The following COBL variants were observed in gnomAD, a reference collection of about 807,000 sequenced individuals.
COBL encodes protein cordon-bleu.
In COBL, 51 loss-of-function variants were observed where a neutral mutation model predicts 98.8. The ratio of observed to expected loss-of-function variants is 0.52; its 90% CI spans 0.41 to 0.65. COBL has a LOEUF of 0.65. Ranked by LOEUF, COBL falls within the 30% of genes least tolerant of loss-of-function variation. The pLI, the probability that COBL is intolerant of heterozygous loss-of-function variation, is 0.00. For missense variants in COBL, 1,617 were observed against 1,617.5 expected, an observed-to-expected ratio of 1.00 and a Z score of 0.01; for synonymous variants, 634 against 651.7, an observed-to-expected ratio of 0.97 and a Z score of 0.41.
intron 11 of COBL, among the ~76,000 whole-genome samples, chr7:51,025,778 A>T (rs371418468): frequency 6.6e-6 from 1 of 152,206 alleles, no homozygotes; most frequent in Admixed American, 6.5e-5. Flanking sequence ...AGGTTCTGAG[A>T]GAGCAGCACA....
intron 5 of COBL, among the ~76,000 whole-genome samples, chr7:51,172,055 G>A (rs74470481): frequency 0.051 from 7,751 of 152,334 alleles, 281 homozygotes; most frequent in Middle Eastern, 0.14. Flanking sequence ...GGCACAGGTA[G>A]TTTTCAGAAA....
chr7:51,055,538 C>A (rs529307598), intron 7 of COBL, among the ~76,000 whole-genome samples: 2 of 152,286 alleles, frequency 1.3e-5, no homozygotes, highest in Non-Finnish European at 2.9e-5. Flanking sequence ...GATGGTCTTG[C>A]ACTTGGCCCG....
At chr7:51,159,334 A>T (rs1004923697) in intron 5 of COBL, among the ~76,000 whole-genome samples, 9 of 152,078 alleles carry the variant, frequency 5.9e-5, no homozygotes, top group African/African-American at 2.2e-4. Context: ...AGACGCTATG[A>T]GGGTTGCAGG....
chr7:51,206,189 T>G (rs1265129566), intron 2 of COBL, among the ~76,000 whole-genome samples: 1 of 152,114 alleles, frequency 6.6e-6, no homozygotes. Context: ...CAGTTCTGGG[T>G]ACATATTTCT....
intron 1 of COBL, among the ~76,000 whole-genome samples, chr7:51,305,439 C>T (rs1176069959): frequency 6.6e-6 from 1 of 152,174 alleles, no homozygotes; most frequent in Non-Finnish European, 1.5e-5. Context: ...GATACCTCAT[C>T]TACAAAGCAA....
chr7:51,224,350 C>T (rs1285410422), intron 1 of COBL, among the ~76,000 whole-genome samples: 2 of 144,600 alleles, frequency 1.4e-5, no homozygotes, highest in Admixed American at 1.4e-4. Context: ...CTTATAAAAG[C>T]CTGAGATAGG....
intron 1 of COBL, among the ~76,000 whole-genome samples, chr7:51,254,454 C>T (rs544799525): frequency 2.6e-5 from 4 of 152,318 alleles, no homozygotes; most frequent in Non-Finnish European, 5.9e-5. Context: ...CTACTTTCAA[C>T]ATCAAATCTA....
At chr7:51,044,801 C>T (rs149850931) in intron 7 of COBL, among the ~76,000 whole-genome samples, 6 of 152,252 alleles carry the variant, frequency 3.9e-5, no homozygotes, top group East Asian at 1.9e-4. Context: ...TCAACATCAC[C>T]AACATTTTAA....
At chr7:51,242,140 A>G (rs2129124193) in intron 1 of COBL, among the ~76,000 whole-genome samples, 1 of 152,330 alleles carries the variant, frequency 6.6e-6, no homozygotes, top group Admixed American at 6.5e-5. Context: ...CACTTTCTGC[A>G]ATCAATCAGA....
intron 2 of COBL, among the ~76,000 whole-genome samples, chr7:51,217,627 G>C (rs1793201342): frequency 6.6e-6 from 1 of 152,076 alleles, no homozygotes; most frequent in Non-Finnish European, 1.5e-5. Context: ...ACAGGCGTGA[G>C]CCACCATGCC....
intron 1 of COBL, among the ~76,000 whole-genome samples, chr7:51,295,672 G>A (rs1801357876): frequency 6.6e-6 from 1 of 152,162 alleles, no homozygotes; most frequent in Non-Finnish European, 1.5e-5. Flanking sequence ...TAACTGTTCT[G>A]TGCCTCTGGC....
chr7:51,135,272 T>C (rs971216953), intron 6 of COBL, among the ~76,000 whole-genome samples: 2 of 152,114 alleles, frequency 1.3e-5, no homozygotes, highest in African/African-American at 4.8e-5. Flanking sequence ...CTAGAAAATA[T>C]TTAAGAGATG....
At chr7:51,038,184 C>G (rs1282008371) in intron 8 of COBL, among the ~76,000 whole-genome samples, 1 of 152,232 alleles carries the variant, frequency 6.6e-6, no homozygotes, top group East Asian at 1.9e-4. Flanking sequence ...CACACTTGCT[C>G]TTCTTAGAAG....
chr7:51,251,284 C>A (rs1050557527), intron 1 of COBL, among the ~76,000 whole-genome samples: 7 of 152,230 alleles, frequency 4.6e-5, no homozygotes, highest in Admixed American at 4.6e-4. Context: ...TCTAGGAGCT[C>A]AAAGAACAAA....
At chr7:51,268,685 A>G (rs965266265) in intron 1 of COBL, among the ~76,000 whole-genome samples, 1 of 152,108 alleles carries the variant, frequency 6.6e-6, no homozygotes, top group Non-Finnish European at 1.5e-5. Flanking sequence ...TAACCCCAGC[A>G]TTTTGGGAGG....
chr7:51,084,137 T>C (rs1793961811), intron 7 of COBL, among the ~76,000 whole-genome samples: 1 of 152,188 alleles, frequency 6.6e-6, no homozygotes, highest in African/African-American at 2.4e-5. Flanking sequence ...ACTCCCAGGC[T>C]GAAATGCTAA....
rs151142676 is a variant in COBL at position 51,157,731 on chromosome 7, C to T, written c.784-21400G>A. On this transcript the variant is annotated intron_variant, in intron 5 of 12. Transcript: ENST00000265136. The stretch of plus-strand genomic sequence containing the variant: ...CACTTCAGGAAGTCTATTTATTGTA[C>T]TATATGGTGACTATAACTACTAAGA... Among the ~76,000 whole-genome samples, 274 of 152,110 alleles carry T rather than the reference C, an allele frequency of 1.8e-3. 1 individual carries two copies. Among genetic ancestry groups the T allele is most frequent in the African/African-American group, 6.2e-3 (258 of 41,468 alleles).
At chr7:51,276,165 T>A (rs6973371) in intron 1 of COBL, among the ~76,000 whole-genome samples, 220 of 152,340 alleles carry the variant, frequency 1.4e-3, no homozygotes, top group African/African-American at 4.9e-3. Context: ...TTAATTGGCA[T>A]TCACAGATAT....
intron 6 of COBL, among the ~76,000 whole-genome samples, chr7:51,106,632 C>T (rs900121794): frequency 1.3e-5 from 2 of 152,162 alleles, no homozygotes; most frequent in Non-Finnish European, 2.9e-5. Flanking sequence ...ATTCTTGAGG[C>T]TCCTAAGCAA....
Sources: allele counts gnomAD v4.1 joint callset (sites outside exome capture counted in the v4.1 genomes callset), GRCh38; gene constraint gnomAD v4.1.1; transcripts MANE v1.5; gene names NCBI Gene and HGNC (gene_info 2026-07-23, HGNC 2026-07-21).